FBXL17: variants seen among roughly 807,000 people sequenced by gnomAD.
The protein encoded by FBXL17 is F-box/LRR-repeat protein 17.
FBXL17 carries 22 observed loss-of-function variants against 66.2 expected under a neutral mutation model. The observed-to-expected ratio is 0.33, with a 90% confidence interval of 0.24 to 0.47. The LOEUF is 0.47. Ranked by LOEUF, FBXL17 falls within the 20% of genes least tolerant of loss-of-function variation. FBXL17 has a pLI of 1.00. For missense variants in FBXL17, 878 were observed against 948.2 expected (o/e 0.93, Z 0.97); for synonymous variants, 474 against 400.5 (o/e 1.18, Z -2.19).
intron 4 of FBXL17, among the ~76,000 whole-genome samples, chr5:108,290,106 C>A (rs941823951): frequency 2.0e-5 from 3 of 152,158 alleles, no homozygotes; most frequent in Non-Finnish European, 4.4e-5. Context: ...CATGTTTTAA[C>A]ATCTCTGAAG....
chr5:108,290,777 C>T (rs12656817), intron 4 of FBXL17, among the ~76,000 whole-genome samples: 6,580 of 151,950 alleles, frequency 0.043, 767 homozygotes, highest in East Asian at 0.39. Flanking sequence ...GGATCTATTC[C>T]TTGGTATTTT....
intron 4 of FBXL17, among the ~76,000 whole-genome samples, chr5:108,281,446 T>C (rs1362598698): frequency 6.6e-6 from 1 of 151,742 alleles, no homozygotes; most frequent in Non-Finnish European, 1.5e-5. Flanking sequence ...ACTGGGTCAA[T>C]GAAGAAATTA....
chr5:108,120,687 G>A (rs1243599268), intron 6 of FBXL17, among the ~76,000 whole-genome samples: 3 of 152,038 alleles, frequency 2.0e-5, no homozygotes, highest in Non-Finnish European at 2.9e-5. Flanking sequence ...ATAAAAATCA[G>A]CCAGGCCTGG....
rs992917254 is a variant in FBXL17, at chr5:107,861,446, A to T, written c.*274T>A. The stretch of plus-strand genomic sequence containing the variant: ...ATTTTTTGACTCTATATTAAAAATA[A>T]TTTTTTTTTAAAGAGAAAGAAGCCT... On this transcript the variant is annotated 3_prime_UTR_variant, in exon 9 of 9. Coordinates refer to ENST00000542267, the MANE Select transcript of FBXL17 (RefSeq NM_001163315.3). 3 of 228,750 alleles carry T rather than the reference A, an allele frequency of 1.3e-5. No individual in the cohort carries two copies. The highest frequency in any genetic ancestry group is 1.3e-3 in the Middle Eastern group (1 of 762). 14.2% of individuals were successfully genotyped at this position (228,750 alleles called of 1,614,324 possible).
chr5:108,137,274 C>T (rs932421003), intron 6 of FBXL17, among the ~76,000 whole-genome samples: 4 of 152,088 alleles, frequency 2.6e-5, no homozygotes, highest in African/African-American at 9.7e-5. Context: ...TGGTTATTTG[C>T]ACATAATACA....
At chr5:108,105,700 G>C (rs997434322) in intron 6 of FBXL17, among the ~76,000 whole-genome samples, 8 of 152,136 alleles carry the variant, frequency 5.3e-5, no homozygotes, top group African/African-American at 1.7e-4. Flanking sequence ...AAATGGAACA[G>C]ACCAGAAGAC....
intron 6 of FBXL17, among the ~76,000 whole-genome samples, chr5:108,064,920 A>C (rs1580393343): frequency 6.6e-6 from 1 of 151,944 alleles, no homozygotes; most frequent in East Asian, 1.9e-4. Context: ...CTGCTTTTTA[A>C]TTTTAGCTTT....
intron 4 of FBXL17, among the ~76,000 whole-genome samples, chr5:108,334,556 G>A (rs1202687547): frequency 6.6e-6 from 1 of 152,194 alleles, no homozygotes; most frequent in East Asian, 1.9e-4. Flanking sequence ...TGTTCTGGTA[G>A]GTAGAGGGTT....
At chr5:107,948,326 C>T (rs1053027689) in intron 7 of FBXL17, among the ~76,000 whole-genome samples, 1 of 152,130 alleles carries the variant, frequency 6.6e-6, no homozygotes, top group East Asian at 1.9e-4. Flanking sequence ...ATAATTGTGA[C>T]TATAATAATT....
At chr5:108,038,737 T>A (rs187226686) in intron 6 of FBXL17, among the ~76,000 whole-genome samples, 369 of 152,120 alleles carry the variant, frequency 2.4e-3, no homozygotes, top group Admixed American at 6.5e-3. Flanking sequence ...CACAAAAAAA[T>A]ATGCTTTTGA....
At chr5:108,202,185 A>C (rs1753924778) in intron 5 of FBXL17, among the ~76,000 whole-genome samples, 1 of 152,148 alleles carries the variant, frequency 6.6e-6, no homozygotes, top group Non-Finnish European at 1.5e-5. Flanking sequence ...GCCACAAAGA[A>C]ACTTATCGAC....
intron 7 of FBXL17, among the ~76,000 whole-genome samples, chr5:107,909,745 A>G (rs1009383838): frequency 6.6e-6 from 1 of 152,146 alleles, no homozygotes; most frequent in Admixed American, 6.6e-5. Context: ...GTGCAGAGAC[A>G]AGAGAGGTGA....
rs114440178 is a variant in FBXL17, at chr5:108,145,884, C to A, written c.1745+40233G>T. ...AATGTAGAGATAATCAGTACCGACACTGAGAGAGAAATGCACAAGACGGCA... is the reference window on the plus strand; with the variant it reads ...AATGTAGAGATAATCAGTACCGACAATGAGAGAGAAATGCACAAGACGGCA... On this transcript the variant is annotated intron_variant, in intron 6 of 8. Coordinates refer to ENST00000542267, the MANE Select transcript of FBXL17 (RefSeq NM_001163315.3). 9.0e-3 allele frequency among the ~76,000 whole-genome samples: 1,368 copies of A among 151,440 alleles called. 11 individuals are homozygous for A. The highest frequency in any genetic ancestry group is 0.014 in the Non-Finnish European group (947 of 67,890).
chr5:107,969,071 G>T (rs117720934), intron 7 of FBXL17, among the ~76,000 whole-genome samples: 1 of 152,112 alleles, frequency 6.6e-6, no homozygotes, highest in African/African-American at 2.4e-5. Context: ...AATCAGCCAT[G>T]TTCATCACTT....
In FBXL17 at chr5:108,272,004, C is replaced by A. The variant is rs1757289782; in HGVS notation, c.1507-47776G>T. Among the ~76,000 whole-genome samples the A allele has an allele frequency of 2.0e-5, 3 of 152,138 alleles. No homozygotes were observed. In the South Asian group the frequency reaches 6.2e-4, roughly 31 times the overall value. On this transcript the variant is annotated intron_variant, in intron 4 of 8. Transcript: ENST00000542267. ...ACAATGTGTGGCACATAAAAAGCAA[C>A]CAACGGCCGGGTGCAGTGGCTCACG...
At chr5:107,878,959 C>T (rs373051567) in intron 8 of FBXL17, 1 of 985,460 alleles carries the variant, frequency 1.0e-6, no homozygotes. Flanking sequence ...GATTCAGAGG[C>T]AGCCCAGGAA....
intron 8 of FBXL17, chr5:107,879,734 G>T: frequency 1.0e-6 from 1 of 985,394 alleles, no homozygotes; most frequent in South Asian, 4.7e-5. Flanking sequence ...TGCTAGATTT[G>T]TTCCTAATCA....
chr5:108,016,061 T>C lies in FBXL17; in HGVS notation c.1822+4864A>G, dbSNP rs73778619. The stretch of plus-strand genomic sequence containing the variant: ...TGACTCAATATTTTTTGACAGAATA[T>C]TATGTTTGACAGAATGAAATTTTTT... On this transcript the variant is annotated intron_variant, in intron 7 of 8. Transcript: ENST00000542267. 5.9e-3 allele frequency among the ~76,000 whole-genome samples: 903 copies of C among 152,304 alleles called. 10 individuals carry two copies. Among genetic ancestry groups the C allele is most frequent in the African/African-American group, 0.021 (862 of 41,558 alleles).
chr5:108,203,972 C>T (rs1754005358), intron 5 of FBXL17, among the ~76,000 whole-genome samples: 1 of 151,924 alleles, frequency 6.6e-6, no homozygotes, highest in Non-Finnish European at 1.5e-5. Flanking sequence ...TCTTGAAGTT[C>T]TTTAAATGTG....
Sources: allele counts gnomAD v4.1 joint callset (sites outside exome capture counted in the v4.1 genomes callset), GRCh38; gene constraint gnomAD v4.1.1; transcripts MANE v1.5; gene names NCBI Gene and HGNC (gene_info 2026-07-23, HGNC 2026-07-21).